Variants in PRIM2 observed in about 807,000 individuals in gnomAD.
PRIM2 encodes the protein DNA primase subunit 2.
Under a neutral mutation model 67.3 loss-of-function variants are expected in PRIM2, and 39 were observed. The observed-to-expected ratio is 0.58, with a 90% CI of 0.45 to 0.76. The LOEUF (loss-of-function observed/expected upper bound fraction) is 0.76. Among genes scored for constraint, PRIM2 ranks in the 30% least tolerant of loss-of-function variants. PRIM2 has a pLI of 0.00. For missense variants in PRIM2, 398 were observed against 598.7 expected, an observed-to-expected ratio of 0.66 and a Z score of 3.50; for synonymous variants, 143 against 198.7, an observed-to-expected ratio of 0.72 and a Z score of 2.36.
intron 10 of PRIM2, among the ~76,000 whole-genome samples, chr6:57,597,154 T>C (rs1292083758): frequency 2.0e-5 from 3 of 152,110 alleles, no homozygotes; most frequent in Admixed American, 6.6e-5. Flanking sequence ...AATACAAAAA[T>C]AAATTCCATT....
chr6:57,353,790 T>A (rs1581820481), intron 5 of PRIM2, among the ~76,000 whole-genome samples: 1 of 152,170 alleles, frequency 6.6e-6, no homozygotes, highest in Non-Finnish European at 1.5e-5. Context: ...TTAATAGACG[T>A]TAGAAATGGT....
chr6:57,477,908 C>T (rs1773513017), intron 7 of PRIM2, among the ~76,000 whole-genome samples: 3 of 152,100 alleles, frequency 2.0e-5, no homozygotes, highest in Admixed American at 6.5e-5. Flanking sequence ...GCATAGTATT[C>T]CCTGTTCATA....
chr6:57,316,144 A>G (rs932300541), upstream of PRIM2, among the ~76,000 whole-genome samples: 1 of 152,156 alleles, frequency 6.6e-6, no homozygotes. Context: ...TCTGTTCTTC[A>G]GTTTCCGTAT....
rs1172113948 is a variant in PRIM2 at position 57,639,938 on chromosome 6, A to T, written c.1300-5990A>T. Among the ~76,000 whole-genome samples, 260 of 151,956 alleles carry T rather than the reference A, an allele frequency of 1.7e-3. 1 individual carries two copies. Among genetic ancestry groups the T allele is most frequent in the African/African-American group, 6.0e-3 (249 of 41,450 alleles). On this transcript the variant is annotated intron_variant, in intron 13 of 13. Transcript: ENST00000615550. ...CTGGCAGAGACACAACAAAAAAAGAAAATTTCTGGCCAATATCCCTGGTGA... is the reference window on the plus strand; with the variant it reads ...CTGGCAGAGACACAACAAAAAAAGATAATTTCTGGCCAATATCCCTGGTGA...
Position 57,381,415 on chromosome 6 carries a change from G to A in PRIM2, c.556-616G>A, listed in dbSNP as rs536519818. Among the ~76,000 whole-genome samples, 8 of 152,102 alleles carry A rather than the reference G, an allele frequency of 5.3e-5. No individual in the cohort carries two copies. The East Asian group carries it at 5.8e-4, about 11-fold the overall frequency. ...TTACAGTTTACTAATATCATACTTC[G>A]CTCATCTCTTAGAATTTTAAGATTG... On this transcript the variant is annotated intron_variant, in intron 6 of 13. Transcript: ENST00000615550.
At chr6:57,479,106 A>G (rs1295086150) in intron 7 of PRIM2, among the ~76,000 whole-genome samples, 1 of 152,234 alleles carries the variant, frequency 6.6e-6, no homozygotes, top group African/African-American at 2.4e-5. Context: ...AGATCGTGCC[A>G]TTGCACTCCA....
intron 3 of PRIM2, among the ~76,000 whole-genome samples, chr6:57,321,406 CAT>C (rs1466404754): frequency 1.3e-5 from 2 of 152,038 alleles, no homozygotes; most frequent in Admixed American, 6.6e-5. Context: ...TACAGGAAGA[CAT>C]GTGGTGGGAG....
chr6:57,340,409 A>AT (rs1325518145), intron 5 of PRIM2, among the ~76,000 whole-genome samples: 5 of 152,190 alleles, frequency 3.3e-5, no homozygotes, highest in Non-Finnish European at 2.9e-5. Context: ...ATGCACACAT[A>AT]TGTTTATTGC....
At chr6:57,408,597 G>A (rs1770980736) in intron 7 of PRIM2, among the ~76,000 whole-genome samples, 1 of 152,066 alleles carries the variant, frequency 6.6e-6, no homozygotes, top group African/African-American at 2.4e-5. Flanking sequence ...ACACTCATCT[G>A]TTTCTGTCAT....
At chr6:57,330,792 T>C (rs531514823) in intron 5 of PRIM2, among the ~76,000 whole-genome samples, 1 of 152,268 alleles carries the variant, frequency 6.6e-6, no homozygotes, top group South Asian at 2.1e-4. Context: ...TTTCTTCTAA[T>C]TCTAGTTGAA....
At chr6:57,304,299 G>A in the PRIM2 span, among the ~76,000 whole-genome samples, 20 of 152,084 alleles carry the variant, frequency 1.3e-4, no homozygotes, top group Admixed American at 7.9e-4. Flanking sequence ...GAAATCCTGG[G>A]TTAAATCATA....
intron 5 of PRIM2, among the ~76,000 whole-genome samples, chr6:57,337,005 A>G (rs1768277571): frequency 6.6e-6 from 1 of 152,162 alleles, no homozygotes; most frequent in Admixed American, 6.5e-5. Context: ...AAATAAAAGG[A>G]TGGAGGAAGA....
Position 57,402,000 on chromosome 6 carries a change from T to C in PRIM2, c.693+19832T>C, listed in dbSNP as rs1286989795. On this transcript the variant is annotated intron_variant, in intron 7 of 13. Transcript: ENST00000615550. ...GCCCCTGGTTGCTCTGTCCAGGGAG[T>C]TGCAGAGCTGCTACTGGTTTGATAT... is the stretch of plus-strand genomic sequence containing the variant. Among the ~76,000 whole-genome samples the C allele has an allele frequency of 3.9e-5, 6 of 152,082 alleles. No homozygotes were observed. The East Asian group carries it at 1.2e-3, about 30-fold the overall frequency.
chr6:57,306,276 T>C, the PRIM2 span, among the ~76,000 whole-genome samples: 1 of 152,124 alleles, frequency 6.6e-6, no homozygotes, highest in African/African-American at 2.4e-5. Context: ...CAAACTATGG[T>C]ACCCAAGTGA....
At chr6:57,556,593 T>C (rs1775517991) in intron 10 of PRIM2, among the ~76,000 whole-genome samples, 1 of 152,162 alleles carries the variant, frequency 6.6e-6, no homozygotes, top group African/African-American at 2.4e-5. Context: ...ATGTAGAAGA[T>C]TGAAACTGGA....
intron 7 of PRIM2, among the ~76,000 whole-genome samples, chr6:57,484,085 G>C (rs1300485918): frequency 6.6e-6 from 1 of 152,022 alleles, no homozygotes; most frequent in Non-Finnish European, 1.5e-5. Context: ...ATGCTATTTC[G>C]TGTACTTATT....
intron 8 of PRIM2, among the ~76,000 whole-genome samples, chr6:57,508,248 TTTG>T (rs1298561626): frequency 6.6e-6 from 1 of 152,186 alleles, no homozygotes; most frequent in Non-Finnish European, 1.5e-5. Context: ...TTTCTGTGTT[TTTG>T]TTGTTGTTGT....
At chr6:57,492,301 G>A (rs1377168317) in intron 7 of PRIM2, among the ~76,000 whole-genome samples, 1 of 152,110 alleles carries the variant, frequency 6.6e-6, no homozygotes, top group Non-Finnish European at 1.5e-5. Flanking sequence ...CCAGCACTTT[G>A]GGAGGCCGAG....
At chr6:57,596,919 T>C (rs1776377127) in intron 10 of PRIM2, among the ~76,000 whole-genome samples, 1 of 152,160 alleles carries the variant, frequency 6.6e-6, no homozygotes, top group African/African-American at 2.4e-5. Flanking sequence ...TACAATGATT[T>C]GGCAAGTTTT....
Sources: gnomAD v4.1 joint callset for allele counts (sites outside exome capture counted in the v4.1 genomes callset) on GRCh38, gnomAD v4.1.1 for gene constraint, MANE v1.5 for transcripts, NCBI Gene and HGNC (gene_info 2026-07-23, HGNC 2026-07-21) for gene names.